The following CNBP variants were observed in gnomAD, a reference collection of about 807,000 sequenced individuals.
CNBP encodes CCHC-type zinc finger nucleic acid binding protein, also known as cellular nucleic acid-binding protein.
In CNBP, 6 loss-of-function variants were observed where a neutral mutation model predicts 21.2. The ratio of observed to expected loss-of-function variants is 0.28; its 90% CI spans 0.16 to 0.56. The LOEUF is 0.56. Ranked by LOEUF, CNBP falls within the 20% of genes least tolerant of loss-of-function variation. The pLI, the probability that CNBP is intolerant of heterozygous loss-of-function variation, is 0.93. For missense variants in CNBP, 112 were observed against 233.1 expected (o/e 0.48, Z 3.38); for synonymous variants, 61 against 74.9 (o/e 0.81, Z 0.96).
rs571695801 is a variant in CNBP, at chr3:129,169,945, G to A, written c.*508C>T. ...ATTTCTCTCGAACAGCCATTAACAC[G>A]CATGTTTATCTTTTTGTTTACTCCC... On this transcript the variant is annotated 3_prime_UTR_variant, in exon 5 of 5. Transcript: ENST00000422453. The A allele has an allele frequency of 3.7e-4, 85 of 231,576 alleles. No homozygotes were observed. The highest frequency in any genetic ancestry group is 5.3e-4 in the Non-Finnish European group (62 of 116,890). 14.3% of individuals were successfully genotyped at this position (231,576 alleles called of 1,614,324 possible).
intron 1 of CNBP, among the ~76,000 whole-genome samples, chr3:129,175,197 G>A (rs1419899900): frequency 3.3e-5 from 5 of 151,844 alleles, no homozygotes; most frequent in African/African-American, 4.8e-5. Context: ...GTGGTAACGC[G>A]CCTGTAGTCC....
At chr3:129,170,976 C>A in intron 4 of CNBP, 103 bp downstream of exon 4, 1 of 1,222,908 alleles carries the variant, frequency 8.2e-7, no homozygotes. Flanking sequence ...CTGGTCACAG[C>A]TAAGTTTCAC....
chr3:129,168,748 G>T lies in CNBP; in HGVS notation c.*1705C>A, dbSNP rs1052991740. On this transcript the variant is annotated 3_prime_UTR_variant, in exon 5 of 5. Transcript: ENST00000422453. The stretch of plus-strand genomic sequence containing the variant: ...GGGCGGGGCAGGTGGATCACCTGAG[G>T]TCAGGAGTTGGAGACCAGCCCGACC... Among the ~76,000 whole-genome samples the T allele has an allele frequency of 1.3e-5, 2 of 151,908 alleles. No homozygotes were observed. Among genetic ancestry groups the T allele is most frequent in the African/African-American group, 4.8e-5 (2 of 41,348 alleles).
chr3:129,182,798 A>T (rs1408671773), intron 1 of CNBP, among the ~76,000 whole-genome samples: 1 of 152,176 alleles, frequency 6.6e-6, no homozygotes, highest in Non-Finnish European at 1.5e-5. Flanking sequence ...ATGTAACACA[A>T]GCAACTTAGT....
chr3:129,180,050 A>G (rs1938189487), intron 1 of CNBP, among the ~76,000 whole-genome samples: 1 of 152,176 alleles, frequency 6.6e-6, no homozygotes, highest in South Asian at 2.1e-4. Flanking sequence ...GGTAAAGTAC[A>G]CAAAAATGCT....
chr3:129,171,558 A>G lies in CNBP; in HGVS notation c.125-20T>C, dbSNP rs1361302767. The G allele has an allele frequency of 1.2e-6, 2 of 1,614,080 alleles. No homozygotes were observed. The highest frequency in any genetic ancestry group is 2.2e-5 in the East Asian group (1 of 44,892). On this transcript the variant is annotated intron_variant, in intron 2 of 4. Coordinates refer to ENST00000422453, the MANE Select transcript of CNBP (RefSeq NM_003418.5). ...GGAAACCTGTTTTGAGCAAAAACAA[A>G]GAATTCGGCTAGTCAGACCAGTCTT... is the stretch of plus-strand genomic sequence containing the variant.
intron 1 of CNBP, among the ~76,000 whole-genome samples, chr3:129,178,426 G>A (rs1377007899): frequency 6.6e-6 from 1 of 152,096 alleles, no homozygotes; most frequent in Non-Finnish European, 1.5e-5. Flanking sequence ...TAAATAGAAT[G>A]TTCATAACTC....
intron 1 of CNBP, among the ~76,000 whole-genome samples, chr3:129,172,664 A>AGCCAGG (rs1937623506): frequency 8.7e-6 from 1 of 115,196 alleles, no homozygotes; most frequent in South Asian, 3.2e-4. Flanking sequence ...AGGCAGACAG[A>AGCCAGG]CAGACAGACA....
intron 1 of CNBP, among the ~76,000 whole-genome samples, chr3:129,181,655 A>AAAG (rs1938306985): frequency 2.1e-5 from 3 of 141,740 alleles, no homozygotes; most frequent in African/African-American, 8.8e-5. Flanking sequence ...GTCTCAGAAA[A>AAAG]AAAAAAAGAA....
intron 1 of CNBP, among the ~76,000 whole-genome samples, chr3:129,178,542 G>A (rs749231303): frequency 7.9e-5 from 12 of 152,078 alleles, no homozygotes; most frequent in Non-Finnish European, 1.0e-4. Context: ...TATTTTATAT[G>A]GTTTTCTAAC....
chr3:129,171,753 C>T lies in CNBP; in HGVS notation c.5G>A (p.Ser2Asn). 1 of 1,613,812 alleles carries T rather than the reference C, an allele frequency of 6.2e-7. No individual in the cohort carries two copies. Among genetic ancestry groups the T allele is most frequent in the Non-Finnish European group, 8.5e-7 (1 of 1,179,928 alleles). Reference sequence around the variant, plus strand: ...TCCACACTTGAAGCACTCATTGCTGCTCATGGCTGCAGTCAGATCTTTGAA... The same window carrying T: ...TCCACACTTGAAGCACTCATTGCTGTTCATGGCTGCAGTCAGATCTTTGAA... M[S>N]SNECFKCGRS... is the part of the protein sequence containing the mutation. Residue 2 changes from serine (S) to asparagine (N), a missense_variant, in exon 2 of 5, where the codon AGC (serine) becomes AAC (asparagine). Transcript: ENST00000422453.
At position 129,169,869 on chromosome 3, in the gene CNBP, G is replaced by A. The variant is rs1937537010; in HGVS notation, c.*584C>T. Reference sequence around the variant, plus strand: ...AAACCTTTGCCATCACCATCTATGTGTCCAACATCAACACTGTGATGAAGT... The same window carrying A: ...AAACCTTTGCCATCACCATCTATGTATCCAACATCAACACTGTGATGAAGT... On this transcript the variant is annotated 3_prime_UTR_variant, in exon 5 of 5. Coordinates refer to ENST00000422453, the MANE Select transcript of CNBP (RefSeq NM_003418.5). 1 of 229,286 alleles carries A rather than the reference G, an allele frequency of 4.4e-6. No homozygotes were observed. The highest frequency in any genetic ancestry group is 8.7e-6 in the Non-Finnish European group (1 of 115,508). 14.2% of individuals were successfully genotyped at this position (229,286 alleles called of 1,614,324 possible). A position where few individuals can be genotyped will look rare whatever the true frequency, so the allele number is the denominator to read the frequency against.
chr3:129,176,162 C>G (rs1178429888), intron 1 of CNBP, among the ~76,000 whole-genome samples: 1 of 152,164 alleles, frequency 6.6e-6, no homozygotes, highest in African/African-American at 2.4e-5. Context: ...TAAGGTAAGA[C>G]AGCTGAGAAT....
At position 129,169,118 on chromosome 3, in the gene CNBP, AT is replaced by A. The variant is rs1398198292; in HGVS notation, c.*1334del. On this transcript the variant is annotated 3_prime_UTR_variant, in exon 5 of 5. Transcript: ENST00000422453. ...CTCTGTCTCAAAAAAAAATAAAAAA[AT>A]AAAATAAAAATAAAAATACAAAAAA... 4.4e-4 allele frequency among the ~76,000 whole-genome samples: 66 copies of A among 151,680 alleles called. No individual in the cohort carries two copies. The South Asian group carries it at 4.6e-3, about 11-fold the overall frequency.
intron 1 of CNBP, among the ~76,000 whole-genome samples, chr3:129,174,283 G>A (rs931599189): frequency 7.3e-6 from 1 of 136,564 alleles, no homozygotes; most frequent in Non-Finnish European, 1.5e-5. Context: ...TCTTTTAACT[G>A]TACTAGTATT....
chr3:129,170,320 T>C lies in CNBP; in HGVS notation c.*133A>G. ...AGTCGGTTTTTTTCCACCCCTTTCC[T>C]CCTTTTACACGGCAAGTAAAGCTCA... On this transcript the variant is annotated 3_prime_UTR_variant, in exon 5 of 5. Transcript: ENST00000422453. 4.0e-6 allele frequency: 3 copies of C among 748,322 alleles called. No individual in the cohort carries two copies. The highest frequency in any genetic ancestry group is 6.9e-6 in the Non-Finnish European group (3 of 434,862). 46.4% of individuals were successfully genotyped at this position (748,322 alleles called of 1,614,324 possible). A position where few individuals can be genotyped will look rare whatever the true frequency, so the allele number is the denominator to read the frequency against.
chr3:129,170,521 C>G lies in CNBP; in HGVS notation c.466G>C (p.Val156Leu). The G allele has an allele frequency of 6.2e-7, 1 of 1,614,236 alleles. No individual in the cohort carries two copies. The highest frequency in any genetic ancestry group is 8.5e-7 in the Non-Finnish European group (1 of 1,180,038). Reference protein sequence around the residue: ...VAINCSKTSEVNCYRCGESGH... With the variant: ...VAINCSKTSELNCYRCGESGH... ...GACTCGCCACAGCGGTAACAGTTGA[C>G]TTCACTTGTCTTGCTGCAGTTGATG... is the stretch of plus-strand genomic sequence containing the variant. The change falls in exon 5 of 5, where the codon GTC becomes CTC. Residue 156 changes from valine to leucine, a missense_variant. By Grantham distance (32) the Val-to-Leu change is conservative (BLOSUM62 1). Transcript: ENST00000422453.
intron 1 of CNBP, among the ~76,000 whole-genome samples, chr3:129,175,675 G>A (rs1056543441): frequency 7.2e-5 from 11 of 152,218 alleles, no homozygotes; most frequent in Admixed American, 5.9e-4. Context: ...TGATCCACCC[G>A]CCTTGGCCTC....
intron 1 of CNBP, among the ~76,000 whole-genome samples, chr3:129,172,608 A>AGGCAGGCAGGCAGGCAGGCAGG (rs1560034584): frequency 6.3e-5 from 2 of 31,870 alleles, no homozygotes; most frequent in African/African-American, 7.1e-5. Context: ...AGGCAGGCAG[A>AGGCAGGCAGGCAGGCAGGCAGG]CAGGCAGACA....
Sources: allele counts gnomAD v4.1 joint callset (sites outside exome capture counted in the v4.1 genomes callset), GRCh38; gene constraint gnomAD v4.1.1; transcripts MANE v1.5; gene names NCBI Gene and HGNC (gene_info 2026-07-23, HGNC 2026-07-21).